Variants in BRD4 observed in about 807,000 individuals in gnomAD.
BRD4 encodes the protein bromodomain-containing protein 4.
BRD4 carries 16 observed loss-of-function variants against 142.1 expected under a neutral mutation model. That is an observed-to-expected ratio of 0.11 (90% CI 0.08 to 0.17). BRD4 has a LOEUF of 0.17. BRD4 is among the 10% of genes least tolerant of loss of function. The probability of loss-of-function intolerance (pLI) is 1.00; values close to 1 mark genes in which losing one functional copy is unlikely to be tolerated. For missense variants in BRD4, 1,424 were observed against 1,810.9 expected, an observed-to-expected ratio of 0.79 and a Z score of 3.88; for synonymous variants, 833 against 707.5, an observed-to-expected ratio of 1.18 and a Z score of -2.82.
Position 15,240,059 on chromosome 19 carries a change from C to T in BRD4, c.3170-37G>A, listed in dbSNP as rs1286391842. On this transcript the variant is annotated intron_variant, in intron 14 of 19. Coordinates refer to ENST00000679869, the MANE Select transcript of BRD4 (RefSeq NM_001379291.1). The stretch of plus-strand genomic sequence containing the variant: ...GACAAGGAATGTGTCAAGGGGCTGG[C>T]TTAGAACTGCTGGCCCTGAGAGAAT... 2.5e-6 allele frequency: 4 copies of T among 1,572,846 alleles called. No homozygotes were observed. In the South Asian group the frequency reaches 4.7e-5, roughly 19 times the overall value.
rs566845689 is a variant in BRD4, at chr19:15,249,762, C to T, written c.2158+4390G>A. ...TGTGCACTGTCTAGTCTCAGGAAGG[C>T]GATGCCAGCCCTTCCTCCTGGGTCT... On this transcript the variant is annotated intron_variant, in intron 11 of 19. Transcript: ENST00000679869. 6.6e-5 allele frequency among the ~76,000 whole-genome samples: 10 copies of T among 152,184 alleles called. No individual in the cohort carries two copies. The South Asian group carries it at 1.2e-3, about 19-fold the overall frequency.
At chr19:15,293,543 C>T (rs375305440) in intron 1 of BRD4, among the ~76,000 whole-genome samples, 1 of 152,210 alleles carries the variant, frequency 6.6e-6, no homozygotes, top group African/African-American at 2.4e-5. Context: ...CTTTAGCCGA[C>T]TCGTGCAGGC....
chr19:15,282,664 TCA>T (rs2047713915), intron 1 of BRD4, among the ~76,000 whole-genome samples: 1 of 152,240 alleles, frequency 6.6e-6, no homozygotes, highest in Non-Finnish European at 1.5e-5. Flanking sequence ...GCTGTGCCCT[TCA>T]CAGTTAAGAG....
At chr19:15,308,310 T>C (rs2047935158) in intron 1 of BRD4, among the ~76,000 whole-genome samples, 4 of 150,064 alleles carry the variant, frequency 2.7e-5, no homozygotes, top group Admixed American at 2.7e-4. Context: ...GTAGGTTGGC[T>C]GGGCGCGGTG....
chr19:15,301,644 G>A (rs959140209), intron 1 of BRD4, among the ~76,000 whole-genome samples: 35 of 151,532 alleles, frequency 2.3e-4, no homozygotes, highest in Admixed American at 2.0e-3. Flanking sequence ...GACAGATCAC[G>A]AGGTCAGGAG....
chr19:15,261,370 C>G (rs145800178), intron 7 of BRD4, among the ~76,000 whole-genome samples: 2,327 of 152,206 alleles, frequency 0.015, 69 homozygotes, highest in East Asian at 0.11. Flanking sequence ...GTAATCCCAG[C>G]TACTCAGGAG....
Position 15,244,258 on chromosome 19 carries a change from T to C in BRD4, c.2554A>G (p.Asn852Asp). The change falls in exon 13 of 20, where the codon AAC (asparagine) becomes GAC (aspartate). Residue 852 changes from asparagine (N) to aspartate (D), a missense_variant. Physicochemically the swap from Asn to Asp is conservative, Grantham distance 23 (BLOSUM62 1). Transcript: ENST00000679869. The stretch of plus-strand genomic sequence containing the variant: ...GGAGGAGAGACCACTGCGTGCTGGT[T>C]GAGATGGGGTGGAGTGCTGTGCTCA... Reference protein sequence around the residue: ...PPEHSTPPHLNQHAVVSPPAL... With the variant: ...PPEHSTPPHLDQHAVVSPPAL... 6.3e-7 allele frequency: 1 copy of C among 1,579,978 alleles called. No individual in the cohort carries two copies. Among genetic ancestry groups the C allele is most frequent in the Non-Finnish European group, 8.6e-7 (1 of 1,165,440 alleles).
rs527735632 is a variant in BRD4, at chr19:15,238,126, G to A, written c.*251C>T. On this transcript the variant is annotated 3_prime_UTR_variant, in exon 20 of 20. Coordinates refer to ENST00000679869, the MANE Select transcript of BRD4 (RefSeq NM_001379291.1). This position sits in a 1 kb window ranked among gnomAD's most constrained non-coding sequence, Gnocchi z 7.2. ...GCTTGGGTCCAGCCGGCACTTGCTC[G>A]TAACAAGGCGTGTGCTGAGCGGACG... 1.9e-4 allele frequency: 100 copies of A among 533,484 alleles called. 1 individual carries two copies. In the South Asian group the frequency reaches 2.0e-3, roughly 10 times the overall value. 33.0% of individuals were successfully genotyped at this position (533,484 alleles called of 1,614,324 possible).
At chr19:15,314,916 T>A (rs139890596) in intron 1 of BRD4, among the ~76,000 whole-genome samples, 1 of 152,250 alleles carries the variant, frequency 6.6e-6, no homozygotes, top group African/African-American at 2.4e-5. Context: ...TTTGGGGGGA[T>A]GTCTGGAAGA....
At position 15,239,644 on chromosome 19, in the gene BRD4, A is replaced by G. The variant is rs377217681; in HGVS notation, c.3445+15T>C. On this transcript the variant is annotated intron_variant, in intron 16 of 19. Coordinates refer to ENST00000679869, the MANE Select transcript of BRD4 (RefSeq NM_001379291.1). The surrounding 1 kb of genome is among the most constrained non-coding windows in gnomAD (Gnocchi z 7.4). ...GGGGGCCTGAGCCCTGGCTGTGGGC[A>G]GGGAGAGCACTCACGCTGGGGCAGG... is the stretch of plus-strand genomic sequence containing the variant. The G allele has an allele frequency of 7.0e-6, 11 of 1,568,134 alleles. No homozygotes were observed. In the African/African-American group the frequency reaches 1.4e-4, roughly 20 times the overall value.
chr19:15,273,223 G>A, intron 1 of BRD4, 90 bp from the exon 2 acceptor site: 1 of 1,349,272 alleles, frequency 7.4e-7, no homozygotes, highest in Non-Finnish European at 1.0e-6. Context: ...TGGTCTCCAA[G>A]GACTGAGTTC....
chr19:15,250,485 T>C (rs2047332416), intron 11 of BRD4, among the ~76,000 whole-genome samples: 1 of 152,166 alleles, frequency 6.6e-6, no homozygotes, highest in South Asian at 2.1e-4. Context: ...TTCCAAAACA[T>C]CAAGCATTCC....
chr19:15,322,569 T>C (rs1238428829), intron 1 of BRD4, among the ~76,000 whole-genome samples: 1 of 106,862 alleles, frequency 9.4e-6, no homozygotes, highest in African/African-American at 3.8e-5. Context: ...AAAAAAAAAA[T>C]TAGCCAGGCG....
intron 1 of BRD4, among the ~76,000 whole-genome samples, chr19:15,318,230 T>C (rs899809421): frequency 2.6e-5 from 4 of 152,046 alleles, no homozygotes; most frequent in African/African-American, 4.8e-5. Context: ...CAATGGTACA[T>C]GAATGAGGGA....
intron 1 of BRD4, among the ~76,000 whole-genome samples, chr19:15,321,809 T>TC (rs1193535507): frequency 6.6e-6 from 1 of 152,148 alleles, no homozygotes; most frequent in Non-Finnish European, 1.5e-5. Context: ...CTCTACATAC[T>TC]TCTTGTTTCA....
intron 11 of BRD4, 140 bp downstream of exon 11, chr19:15,254,012 A>T (rs1251574089): frequency 2.6e-6 from 2 of 759,370 alleles, no homozygotes; most frequent in Non-Finnish European, 4.4e-6. Context: ...ACAGTTAACA[A>T]AGAGACAGAC....
chr19:15,238,163 G>T lies in BRD4; in HGVS notation c.*214C>A. On this transcript the variant is annotated 3_prime_UTR_variant, in exon 20 of 20. Coordinates refer to ENST00000679869, the MANE Select transcript of BRD4 (RefSeq NM_001379291.1). The surrounding 1 kb of genome is among the most constrained non-coding windows in gnomAD (Gnocchi z 7.2). ...GTGCTGAGCGGACGTCCTGTGAGGG[G>T]TGGTGGGTGGCGGGACGTCTGTCCG... The T allele has an allele frequency of 1.5e-6, 1 of 679,092 alleles. No homozygotes were observed. The allele number at this position is 679,092 out of a possible 1,614,324, so 42.1% of individuals were successfully genotyped here. A position where few individuals can be genotyped will look rare whatever the true frequency, so the allele number is the denominator to read the frequency against.
At chr19:15,313,280 G>A (rs1471389075) in intron 1 of BRD4, among the ~76,000 whole-genome samples, 1 of 151,196 alleles carries the variant, frequency 6.6e-6, no homozygotes, top group Non-Finnish European at 1.5e-5. Flanking sequence ...GGCCGAGGCA[G>A]GAGAATGGTG....
intron 1 of BRD4, among the ~76,000 whole-genome samples, chr19:15,316,119 G>A (rs1386008799): frequency 7.9e-6 from 1 of 126,704 alleles, no homozygotes; most frequent in African/African-American, 3.1e-5. Context: ...TCGCGCCACT[G>A]CACTCCAGAC....
Sources: allele counts gnomAD v4.1 joint callset (sites outside exome capture counted in the v4.1 genomes callset), GRCh38; gene constraint gnomAD v4.1.1; non-coding constraint Gnocchi (gnomAD v3.1); transcripts MANE v1.5; gene names NCBI Gene and HGNC (gene_info 2026-07-23, HGNC 2026-07-21).